The following KIFAP3 variants were observed in gnomAD, a reference collection of about 807,000 sequenced individuals.
KIFAP3 encodes kinesin-associated protein 3.
Under a neutral mutation model 106.5 loss-of-function variants are expected in KIFAP3, and 68 were observed. That is an observed-to-expected ratio of 0.64 (90% CI 0.53 to 0.78). KIFAP3 has a LOEUF of 0.78. Among genes scored for constraint, KIFAP3 ranks in the 30% least tolerant of loss-of-function variants. The pLI, the probability that KIFAP3 is intolerant of heterozygous loss-of-function variation, is 0.00. For synonymous variants in KIFAP3, 320 were observed against 311.5 expected (o/e 1.03, Z -0.29); for missense variants, 780 against 941.8 (o/e 0.83, Z 2.25).
Position 169,961,043 on chromosome 1 carries a change from C to T in KIFAP3, c.2173+3G>A. 2 of 1,609,718 alleles carry T rather than the reference C, an allele frequency of 1.2e-6. No individual in the cohort carries two copies. Among genetic ancestry groups the T allele is most frequent in the Non-Finnish European group, 1.7e-6 (2 of 1,177,682 alleles). ...AACTGTTTACTTTCGCTTTGGTTATCACCTGAGTTGTAGAAAAGGTCAGGT... is the reference window on the plus strand; with the variant it reads ...AACTGTTTACTTTCGCTTTGGTTATTACCTGAGTTGTAGAAAAGGTCAGGT... On this transcript the variant is annotated splice_donor_region_variant and intron_variant, in intron 18 of 19. Transcript: ENST00000361580.
At chr1:169,951,612 C>T (rs924971502) in intron 19 of KIFAP3, among the ~76,000 whole-genome samples, 8 of 151,768 alleles carry the variant, frequency 5.3e-5, no homozygotes, top group Admixed American at 3.3e-4. Context: ...TTATCTCTCT[C>T]AAAACTTTTA....
chr1:169,981,120 C>A (rs1291501484), intron 15 of KIFAP3, among the ~76,000 whole-genome samples: 4 of 151,964 alleles, frequency 2.6e-5, no homozygotes, highest in Admixed American at 1.3e-4. Context: ...AAAACAAAAA[C>A]AAACAAACAA....
chr1:169,932,655 A>G (rs1204772292), intron 19 of KIFAP3, among the ~76,000 whole-genome samples: 1 of 151,706 alleles, frequency 6.6e-6, no homozygotes, highest in Non-Finnish European at 1.5e-5. Context: ...AGTCTCTCTT[A>G]TATGAATAAA....
At chr1:169,980,014 G>C (rs966943666) in intron 15 of KIFAP3, among the ~76,000 whole-genome samples, 4 of 152,020 alleles carry the variant, frequency 2.6e-5, no homozygotes, top group African/African-American at 9.7e-5. Context: ...AAATAAACTA[G>C]ATTCCACTTA....
intron 1 of KIFAP3, among the ~76,000 whole-genome samples, chr1:170,061,631 A>C (rs1191452254): frequency 2.6e-5 from 4 of 152,192 alleles, no homozygotes; most frequent in Non-Finnish European, 5.9e-5. Flanking sequence ...TAGAACTAGA[A>C]ATACCATTTG....
chr1:169,946,589 G>A (rs1370491542), intron 19 of KIFAP3, among the ~76,000 whole-genome samples: 2 of 151,964 alleles, frequency 1.3e-5, no homozygotes, highest in African/African-American at 4.8e-5. Context: ...TTTTAGGCTA[G>A]TTCCTTAAAA....
At chr1:169,991,345 CA>C (rs67702185) in intron 11 of KIFAP3, among the ~76,000 whole-genome samples, 128,695 of 138,850 alleles carry the variant, frequency 0.93, 59,575 homozygotes, top group East Asian at 0.99. Context: ...GATCCTGTCT[CA>C]AAAAAAAAAA....
intron 10 of KIFAP3, among the ~76,000 whole-genome samples, chr1:169,996,224 C>T (rs1257256096): frequency 6.6e-6 from 1 of 152,000 alleles, no homozygotes; most frequent in East Asian, 1.9e-4. Flanking sequence ...TCTCCCACAC[C>T]TTCCTGCTTT....
intron 1 of KIFAP3, among the ~76,000 whole-genome samples, chr1:170,082,552 A>T (rs1374018413): frequency 6.6e-6 from 1 of 152,374 alleles, no homozygotes; most frequent in Non-Finnish European, 1.5e-5. Flanking sequence ...AATTTTAAAA[A>T]TTTTGTATAA....
Position 170,034,509 on chromosome 1 carries a change from C to T in KIFAP3, c.618-13G>A, listed in dbSNP as rs1669576246. ...AAATTGAGAAAAGCTTTAAAGAAGA[C>T]ATTTTAATATATATTTAAAAGAATA... is the stretch of plus-strand genomic sequence containing the variant. On this transcript the variant is annotated splice_polypyrimidine_tract_variant and intron_variant, in intron 6 of 19. Coordinates refer to ENST00000361580, the MANE Select transcript of KIFAP3 (RefSeq NM_014970.4). 1 of 1,345,738 alleles carries T rather than the reference C, an allele frequency of 7.4e-7. No individual in the cohort carries two copies. The highest frequency in any genetic ancestry group is 1.4e-5 in the South Asian group (1 of 71,704). 83.4% of individuals were successfully genotyped at this position (1,345,738 alleles called of 1,614,324 possible).
At chr1:170,077,233 AG>A (rs1281831970), upstream of KIFAP3, among the ~76,000 whole-genome samples, 1 of 152,244 alleles carries the variant, frequency 6.6e-6, no homozygotes, top group Non-Finnish European at 1.5e-5. Flanking sequence ...GGGCCAAACA[AG>A]GGAATAAAAT....
chr1:170,043,701 G>A (rs975784417), intron 3 of KIFAP3, among the ~76,000 whole-genome samples: 1 of 152,108 alleles, frequency 6.6e-6, no homozygotes, highest in Non-Finnish European at 1.5e-5. Flanking sequence ...GAAATATAAT[G>A]AATGAAGAAA....
At chr1:170,009,191 C>A (rs1668121314) in intron 10 of KIFAP3, among the ~76,000 whole-genome samples, 1 of 152,026 alleles carries the variant, frequency 6.6e-6, no homozygotes, top group Non-Finnish European at 1.5e-5. Context: ...CACCATGGCA[C>A]ATGTATACCT....
intron 1 of KIFAP3, among the ~76,000 whole-genome samples, chr1:170,059,511 G>A (rs1304204270): frequency 6.6e-6 from 1 of 152,138 alleles, no homozygotes; most frequent in Non-Finnish European, 1.5e-5. Context: ...CTCTGAAATT[G>A]AGGCAATAAT....
At chr1:170,037,337 G>C (rs1023850409) in intron 5 of KIFAP3, among the ~76,000 whole-genome samples, 2 of 152,212 alleles carry the variant, frequency 1.3e-5, no homozygotes, top group African/African-American at 4.8e-5. Flanking sequence ...GCAACAACCA[G>C]AAAGGCATTC....
chr1:169,980,835 C>T (rs563157997), intron 15 of KIFAP3, among the ~76,000 whole-genome samples: 1 of 152,308 alleles, frequency 6.6e-6, no homozygotes, highest in South Asian at 2.1e-4. Flanking sequence ...GGCACAGTGG[C>T]TCACGCCTGT....
chr1:170,034,299 C>T lies in KIFAP3; in HGVS notation c.742+73G>A, dbSNP rs1669563643. The T allele has an allele frequency of 3.5e-6, 5 of 1,429,240 alleles. No individual in the cohort carries two copies. The East Asian group carries it at 1.2e-4, about 34-fold the overall frequency. The allele number at this position is 1,429,240 out of a possible 1,614,324, so 88.5% of individuals were successfully genotyped here. On this transcript the variant is annotated intron_variant, in intron 7 of 19. Transcript: ENST00000361580. ...ACAATTTTTAAAAAAGAAAAAAGAA[C>T]AAAACCATCCCACCCATCCAAAACT...
At chr1:170,081,489 A>C (rs1309598037) in intron 1 of KIFAP3, among the ~76,000 whole-genome samples, 1 of 152,224 alleles carries the variant, frequency 6.6e-6, no homozygotes, top group Non-Finnish European at 1.5e-5. Context: ...AGATACCAAG[A>C]GGGCTTTACT....
At chr1:170,062,850 AC>A (rs1365936658) in intron 1 of KIFAP3, among the ~76,000 whole-genome samples, 1 of 151,970 alleles carries the variant, frequency 6.6e-6, no homozygotes, top group African/African-American at 2.4e-5. Context: ...TTGTGACCCT[AC>A]TGCTTAGAAA....
Sources: gnomAD v4.1 joint callset for allele counts (sites outside exome capture counted in the v4.1 genomes callset) on GRCh38, gnomAD v4.1.1 for gene constraint, MANE v1.5 for transcripts, NCBI Gene and HGNC (gene_info 2026-07-23, HGNC 2026-07-21) for gene names.